The following TRIO variants were observed in gnomAD, a reference collection of about 807,000 sequenced individuals.
TRIO encodes triple functional domain protein.
A neutral mutation model predicts 351.9 loss-of-function variants in TRIO; 58 were observed. The observed-to-expected ratio is 0.16, with a 90% confidence interval of 0.13 to 0.21. The LOEUF (loss-of-function observed/expected upper bound fraction) is 0.21. Ranked by LOEUF, TRIO falls within the 10% of genes least tolerant of loss-of-function variation. TRIO has a pLI of 1.00. For missense variants in TRIO, 3,201 were observed against 4,027.8 expected (o/e 0.79, Z 5.56); for synonymous variants, 1,758 against 1,595.7 (o/e 1.10, Z -2.42).
At chr5:14,207,763 A>G (rs1241303656) in intron 1 of TRIO, among the ~76,000 whole-genome samples, 2 of 152,188 alleles carry the variant, frequency 1.3e-5, no homozygotes, top group Admixed American at 1.3e-4. Flanking sequence ...AAGACAAAAT[A>G]TTTGTAAATC....
intron 41 of TRIO, among the ~76,000 whole-genome samples, chr5:14,477,582 A>G (rs1213168862): frequency 6.6e-6 from 1 of 152,232 alleles, no homozygotes; most frequent in Non-Finnish European, 1.5e-5. Flanking sequence ...AGATAATTAC[A>G]TAGTTTTCTT....
chr5:14,166,538 T>C (rs187637565), intron 1 of TRIO, among the ~76,000 whole-genome samples: 13 of 152,364 alleles, frequency 8.5e-5, no homozygotes, highest in African/African-American at 2.6e-4. Flanking sequence ...TGATTTCTTC[T>C]TGACGTTTTC....
rs76828944 is a variant in TRIO, at chr5:14,269,324, A to G, written c.158-1501A>G. Among the ~76,000 whole-genome samples the G allele has an allele frequency of 5.2e-3, 791 of 152,354 alleles. 10 individuals are homozygous for G. The highest frequency in any genetic ancestry group is 0.018 in the African/African-American group (761 of 41,578). On this transcript the variant is annotated intron_variant, in intron 1 of 56. Transcript: ENST00000344204. ...GCTGATTTATTCATTCTTTGTTTCT[A>G]TGAATGATAATGTTGTAGAGACTGA...
chr5:14,366,736 G>A, intron 15 of TRIO, 124 bp from the exon 16 acceptor site: 2 of 1,380,344 alleles, frequency 1.4e-6, no homozygotes, highest in South Asian at 1.5e-5. Flanking sequence ...GATGATGAAG[G>A]CATCAGTGCC....
At chr5:14,424,150 G>A (rs548423324) in intron 34 of TRIO, among the ~76,000 whole-genome samples, 1 of 152,170 alleles carries the variant, frequency 6.6e-6, no homozygotes, top group African/African-American at 2.4e-5. Flanking sequence ...CCTGTCAGGA[G>A]GCCTGAGATG....
chr5:14,456,907 C>A, intron 34 of TRIO, among the ~76,000 whole-genome samples: 1 of 152,166 alleles, frequency 6.6e-6, no homozygotes, highest in East Asian at 1.9e-4. Flanking sequence ...AGTTTAAAGA[C>A]TTTTAAAGCT....
intron 1 of TRIO, among the ~76,000 whole-genome samples, chr5:14,257,653 A>G (rs906278192): frequency 6.6e-6 from 1 of 152,174 alleles, no homozygotes; most frequent in Non-Finnish European, 1.5e-5. Context: ...TAAATTATTT[A>G]TAGTCCACCT....
chr5:14,256,897 T>A (rs938088218), intron 1 of TRIO, among the ~76,000 whole-genome samples: 7 of 152,232 alleles, frequency 4.6e-5, no homozygotes, highest in Non-Finnish European at 7.3e-5. Context: ...TTTTCATTAC[T>A]TTAAACAAAT....
intron 1 of TRIO, among the ~76,000 whole-genome samples, chr5:14,153,669 G>A (rs977685482): frequency 6.6e-6 from 1 of 152,114 alleles, no homozygotes; most frequent in Non-Finnish European, 1.5e-5. Flanking sequence ...TAGGGCAAGC[G>A]ACCTGCTTGC....
intron 6 of TRIO, among the ~76,000 whole-genome samples, chr5:14,294,446 G>GT (rs1167362558): frequency 6.6e-6 from 1 of 152,166 alleles, no homozygotes; most frequent in Non-Finnish European, 1.5e-5. Flanking sequence ...ATTACTGTCA[G>GT]TTTTTTTAGA....
chr5:14,260,980 T>G (rs979828736), intron 1 of TRIO, among the ~76,000 whole-genome samples: 1 of 152,122 alleles, frequency 6.6e-6, no homozygotes, highest in Non-Finnish European at 1.5e-5. Flanking sequence ...TGGATGAGGA[T>G]TGCGGCTTCA....
chr5:14,231,247 T>C (rs569553791), intron 1 of TRIO, among the ~76,000 whole-genome samples: 2 of 152,226 alleles, frequency 1.3e-5, no homozygotes, highest in Admixed American at 1.3e-4. Context: ...CCTCTGATGG[T>C]TGGTGGATTT....
intron 1 of TRIO, among the ~76,000 whole-genome samples, chr5:14,144,710 G>C (rs1039773705): frequency 6.6e-6 from 1 of 152,026 alleles, no homozygotes; most frequent in African/African-American, 2.4e-5. Context: ...CGCGGGTGGC[G>C]ACCGGTCCGC....
At chr5:14,293,713 G>T (rs896821815) in intron 6 of TRIO, among the ~76,000 whole-genome samples, 7 of 152,276 alleles carry the variant, frequency 4.6e-5, no homozygotes, top group Middle Eastern at 3.4e-3. Context: ...GGCCAGATAG[G>T]GGGTGACTGT....
intron 1 of TRIO, among the ~76,000 whole-genome samples, chr5:14,245,595 G>C (rs1013744908): frequency 2.0e-5 from 3 of 152,246 alleles, no homozygotes; most frequent in African/African-American, 7.2e-5. Flanking sequence ...CTGAATTGGA[G>C]ATGCCTCGGC....
intron 31 of TRIO, among the ~76,000 whole-genome samples, chr5:14,403,268 CAGGTTGTGGTGAGGGTGT>C (rs1748294184): frequency 1.4e-4 from 12 of 86,588 alleles, no homozygotes; most frequent in Non-Finnish European, 2.5e-4. Context: ...GGTGAGGGTG[CAGGTTGTGGTGAGGGTGT>C]AGGTTGTGGT....
chr5:14,396,762 AC>A (rs1747634615), intron 28 of TRIO, among the ~76,000 whole-genome samples: 1 of 151,418 alleles, frequency 6.6e-6, no homozygotes, highest in African/African-American at 2.4e-5. Flanking sequence ...GAGCCACCAC[AC>A]CCGGCCTCTG....
chr5:14,196,604 C>G (rs945477160), intron 1 of TRIO, among the ~76,000 whole-genome samples: 2 of 152,102 alleles, frequency 1.3e-5, no homozygotes, highest in Non-Finnish European at 2.9e-5. Flanking sequence ...AATCATTATT[C>G]TACCTTCAGA....
chr5:14,502,587 A>T lies in TRIO; in HGVS notation c.8341A>T (p.Met2781Leu). Residue 2781 changes from methionine (M) to leucine (L), a missense_variant, in exon 54 of 57, where the codon ATG becomes TTG. Coordinates refer to ENST00000344204, the MANE Select transcript of TRIO (RefSeq NM_007118.4). ...TGCTGTTCTTCTTGCAGGTCCAGGG[A>T]TGGATGGGATCATGGTGACCTGGAA... Reference protein sequence around the residue: ...SASLRVLGPGMDGIMVTWKDN... With the variant: ...SASLRVLGPGLDGIMVTWKDN... 1 of 1,614,168 alleles carries T rather than the reference A, an allele frequency of 6.2e-7. No individual in the cohort carries two copies. Among genetic ancestry groups the T allele is most frequent in the Non-Finnish European group, 8.5e-7 (1 of 1,180,026 alleles).
Sources: gnomAD v4.1 joint callset for allele counts (sites outside exome capture counted in the v4.1 genomes callset) on GRCh38, gnomAD v4.1.1 for gene constraint, MANE v1.5 for transcripts, NCBI Gene and HGNC (gene_info 2026-07-23, HGNC 2026-07-21) for gene names.